Variants in BOD1L1 observed in about 807,000 individuals in gnomAD.
The protein encoded by BOD1L1 is biorientation of chromosomes in cell division protein 1-like 1.
A neutral mutation model predicts 240.7 loss-of-function variants in BOD1L1; 86 were observed. The observed-to-expected ratio is 0.36, with a 90% CI of 0.30 to 0.43. The LOEUF is 0.43. Among genes scored for constraint, BOD1L1 ranks in the 20% least tolerant of loss-of-function variants. The pLI is 1.00. For synonymous variants in BOD1L1, 1,268 were observed against 1,272.3 expected (o/e 1.00, Z 0.07); for missense variants, 3,554 against 3,643.5 (o/e 0.98, Z 0.63).
Position 13,577,441 on chromosome 4 carries a change from C to T in BOD1L1, c.8846G>A (p.Arg2949Lys), listed in dbSNP as rs759872235. ...TACAGTGAGAGAACGTTTGGGTTTTCTTCCTCTCCGACGCACACTTGTTAC... is the reference window on the plus strand; with the variant it reads ...TACAGTGAGAGAACGTTTGGGTTTTTTTCCTCTCCGACGCACACTTGTTAC... The part of the protein sequence containing the change: ...KIVTSVRRRG[R>K]KPKRSLTVSD... Residue 2949 changes from arginine (R) to lysine (K), a missense_variant, in exon 24 of 26, where the codon AGA becomes AAA. By Grantham distance (26) the Arg-to-Lys change is conservative (BLOSUM62 2). Coordinates refer to ENST00000040738, the MANE Select transcript of BOD1L1 (RefSeq NM_148894.3). 2 of 1,613,800 alleles carry T rather than the reference C, an allele frequency of 1.2e-6. No homozygotes were observed. The highest frequency in any genetic ancestry group is 1.7e-6 in the Non-Finnish European group (2 of 1,179,818).
At position 13,576,880 on chromosome 4, in the gene BOD1L1, G is replaced by A; in HGVS notation, c.8996C>T (p.Ser2999Leu). The change falls in exon 25 of 26, where the codon TCA becomes TTA. Residue 2999 changes from serine to leucine, a missense_variant. Transcript: ENST00000040738. ...EEEEEEEDEP[S>L]GATTRSTTRS... Reference sequence around the variant, plus strand: ...GGTGGTGGATCTTGTGGTGGCTCCTGAAGGCTCGTCCTCTTCCTCTTCTTC... The same window carrying A: ...GGTGGTGGATCTTGTGGTGGCTCCTAAAGGCTCGTCCTCTTCCTCTTCTTC... 1.9e-6 allele frequency: 3 copies of A among 1,614,004 alleles called. No individual in the cohort carries two copies. Among genetic ancestry groups the A allele is most frequent in the Non-Finnish European group, 2.5e-6 (3 of 1,179,896 alleles).
chr4:13,612,153 C>T (rs529244546), intron 5 of BOD1L1, among the ~76,000 whole-genome samples: 1 of 152,156 alleles, frequency 6.6e-6, no homozygotes, highest in East Asian at 1.9e-4. Flanking sequence ...ATTACTGCTG[C>T]TGCTTTTTTT....
chr4:13,609,371 T>G lies in BOD1L1; in HGVS notation c.1527A>C (p.Gln509His), dbSNP rs1484605972. ...KEKEERLLRRQINREKLEEKR... is the reference protein window; with the variant it reads ...KEKEERLLRRHINREKLEEKR... ...TTTCTTCAAGTTTTTCTCTATTGAT[T>G]TGCCTTCTTAAAAGCCTCTCTTCTT... Residue 509 changes from glutamine to histidine, a missense_variant, in exon 7 of 26, where the codon CAA (glutamine) becomes CAC (histidine). Coordinates refer to ENST00000040738, the MANE Select transcript of BOD1L1 (RefSeq NM_148894.3). The G allele has an allele frequency of 6.5e-7, 1 of 1,542,214 alleles. No individual in the cohort carries two copies. Among genetic ancestry groups the G allele is most frequent in the Admixed American group, 2.1e-5 (1 of 47,292 alleles).
rs777422958 is a variant in BOD1L1, at chr4:13,600,556, A to G, written c.6344T>C (p.Phe2115Ser). The G allele has an allele frequency of 9.3e-6, 15 of 1,613,654 alleles. No individual in the cohort carries two copies. The Middle Eastern group carries it at 6.6e-4, about 71-fold the overall frequency. The change falls in exon 10 of 26, where the codon TTT becomes TCT. Residue 2115 changes from phenylalanine to serine, a missense_variant. Coordinates refer to ENST00000040738, the MANE Select transcript of BOD1L1 (RefSeq NM_148894.3). ...MEGTRVTTEEFEAPMPSAVSG... is the reference protein window; with the variant it reads ...MEGTRVTTEESEAPMPSAVSG... ...GACTGCACTGGGCATGGGGGCCTCAAATTCTTCTGTGGTTACTCTGGTACC... is the reference window on the plus strand; with the variant it reads ...GACTGCACTGGGCATGGGGGCCTCAGATTCTTCTGTGGTTACTCTGGTACC...
Position 13,614,401 on chromosome 4 carries a change from T to C in BOD1L1, c.969A>G (p.Glu323=). The change falls in exon 4 of 26, where the codon GAA becomes GAG. Residue 323 remains glutamate (E), a synonymous_variant. Transcript: ENST00000040738. ...EQKNKSTDKG[E]KKPDSNEKGE... ...CTTTCTCATTGCTGTCTGGCTTCTT[T>C]TCACCTTTGTCTGTTGATTTATTTT... 6.3e-7 allele frequency: 1 copy of C among 1,576,508 alleles called. No individual in the cohort carries two copies.
In BOD1L1 at chr4:13,618,746, A is replaced by G. The variant is rs147335834; in HGVS notation, c.368+1197T>C. On this transcript the variant is annotated intron_variant, in intron 2 of 25. Coordinates refer to ENST00000040738, the MANE Select transcript of BOD1L1 (RefSeq NM_148894.3). ...GGTTTGTCTTTTAGTCAGGGTGTGA[A>G]TTTTGATTTGTGGGGCTTCCTGTTG... Among the ~76,000 whole-genome samples the G allele has an allele frequency of 6.3e-3, 964 of 152,170 alleles. 10 individuals are homozygous for G. Among genetic ancestry groups the G allele is most frequent in the Middle Eastern group, 0.027 (8 of 294 alleles).
At chr4:13,586,333 A>G in intron 17 of BOD1L1, 63 bp downstream of exon 17, 1 of 891,312 alleles carries the variant, frequency 1.1e-6, no homozygotes, top group Non-Finnish European at 1.8e-6. Flanking sequence ...AAGTATTTAC[A>G]ATGCTGTAAT....
intron 6 of BOD1L1, among the ~76,000 whole-genome samples, chr4:13,610,193 T>C (rs762131139): frequency 6.6e-6 from 1 of 152,248 alleles, no homozygotes; most frequent in Non-Finnish European, 1.5e-5. Flanking sequence ...TATACATATG[T>C]AACAATAAGG....
Position 13,602,604 on chromosome 4 carries a change from A to G in BOD1L1, c.4296T>C (p.Asn1432=). ...CAACAGCAATGCCATCCTTCTTGCC[A>G]TTCTCTACTGTTGCTTTAATTGTCT... The part of the protein sequence containing the change: ...LKQTIKATVE[N]GKKDGIAVDH... Residue 1432 remains asparagine (N), a synonymous_variant, in exon 10 of 26, where the codon AAT becomes AAC. Coordinates refer to ENST00000040738, the MANE Select transcript of BOD1L1 (RefSeq NM_148894.3). 6.2e-7 allele frequency: 1 copy of G among 1,614,006 alleles called. No homozygotes were observed. Among genetic ancestry groups the G allele is most frequent in the Non-Finnish European group, 8.5e-7 (1 of 1,179,896 alleles).
chr4:13,572,754 T>C (rs1289862527), intron 25 of BOD1L1: 1 of 1,289,852 alleles, frequency 7.8e-7, no homozygotes, highest in East Asian at 5.5e-5. Context: ...AACTTCTCTT[T>C]TGCTAATTTT....
chr4:13,601,950 C>T lies in BOD1L1; in HGVS notation c.4950G>A (p.Lys1650=). The change falls in exon 10 of 26, where the codon AAG becomes AAA. Residue 1650 remains lysine (K), a synonymous_variant. Transcript: ENST00000040738. The part of the protein sequence containing the change: ...ANVNSVVTEE[K]DDAVTSAGSE... ...AGCCTGCACTGGTTACAGCATCATC[C>T]TTTTCCTCTGTCACAACGCTATTTA... The T allele has an allele frequency of 6.2e-7, 1 of 1,613,940 alleles. No homozygotes were observed.
chr4:13,610,078 C>G (rs774800161), intron 6 of BOD1L1, among the ~76,000 whole-genome samples: 7 of 152,144 alleles, frequency 4.6e-5, no homozygotes, highest in East Asian at 3.8e-4. Context: ...GTAGTTTCTT[C>G]AAATCATTTT....
At position 13,603,347 on chromosome 4, in the gene BOD1L1, G is replaced by C. The variant is rs991335139; in HGVS notation, c.3553C>G (p.Arg1185Gly). Residue 1185 changes from arginine (R) to glycine (G), a missense_variant, in exon 10 of 26, where the codon CGT becomes GGT. Physicochemically the swap from Arg to Gly is moderately radical, Grantham distance 125. Coordinates refer to ENST00000040738, the MANE Select transcript of BOD1L1 (RefSeq NM_148894.3). ...GAATTACTATTAACTCCTGTTCCACGGCCTGGCTTATAAGCTGGAGCTGTT... is the reference window on the plus strand; with the variant it reads ...GAATTACTATTAACTCCTGTTCCACCGCCTGGCTTATAAGCTGGAGCTGTT... ...KATAPAYKPGRGTGVNSNSEK... is the reference protein window; with the variant it reads ...KATAPAYKPGGGTGVNSNSEK... 1 of 1,613,924 alleles carries C rather than the reference G, an allele frequency of 6.2e-7. No homozygotes were observed. Among genetic ancestry groups the C allele is most frequent in the African/African-American group, 1.3e-5 (1 of 75,034 alleles).
At chr4:13,591,692 T>C (rs375965011) in intron 13 of BOD1L1, among the ~76,000 whole-genome samples, 167 of 152,248 alleles carry the variant, frequency 1.1e-3, no homozygotes, top group South Asian at 0.011. Flanking sequence ...TAATAAACAA[T>C]AGAAAGTTCA....
chr4:13,576,665 G>GA (rs1265325114), intron 25 of BOD1L1, among the ~76,000 whole-genome samples, 173 bp downstream of exon 25: 3 of 152,138 alleles, frequency 2.0e-5, no homozygotes, highest in Non-Finnish European at 4.4e-5. Flanking sequence ...GTTTAGGACA[G>GA]AAAATGTGTT....
At chr4:13,586,252 C>A (rs1438410051) in intron 17 of BOD1L1, 144 bp downstream of exon 17, 1 of 438,020 alleles carries the variant, frequency 2.3e-6, no homozygotes, top group Non-Finnish European at 4.1e-6. Flanking sequence ...AAAATAGACA[C>A]CTTTTATAAT....
intron 1 of BOD1L1, chr4:13,625,899 T>C (rs988091151): frequency 6.6e-6 from 1 of 152,104 alleles, no homozygotes; most frequent in East Asian, 1.9e-4. Flanking sequence ...GTATGAGTCC[T>C]TATAAAGGAA....
At chr4:13,573,966 T>C (rs1712477242) in intron 25 of BOD1L1, among the ~76,000 whole-genome samples, 1 of 152,204 alleles carries the variant, frequency 6.6e-6, no homozygotes, top group South Asian at 2.1e-4. Flanking sequence ...CATGAGCCAC[T>C]GCGCCCAGCT....
intron 25 of BOD1L1, among the ~76,000 whole-genome samples, chr4:13,574,659 T>A (rs1032115216): frequency 6.6e-6 from 1 of 152,146 alleles, no homozygotes; most frequent in African/African-American, 2.4e-5. Flanking sequence ...TATACCCAAA[T>A]GCATGGGTGT....
Sources: gnomAD v4.1 joint callset for allele counts (sites outside exome capture counted in the v4.1 genomes callset) on GRCh38, gnomAD v4.1.1 for gene constraint, MANE v1.5 for transcripts, NCBI Gene and HGNC (gene_info 2026-07-23, HGNC 2026-07-21) for gene names.